TBL1XR1: variants seen among roughly 807,000 people sequenced by gnomAD.
TBL1XR1 encodes the protein TBL1X/Y related 1.
TBL1XR1 carries 5 observed loss-of-function variants against 66.9 expected under a neutral mutation model. The observed-to-expected ratio is 0.07, with a 90% CI of 0.04 to 0.16. The LOEUF is 0.16. Among genes scored for constraint, TBL1XR1 ranks in the 10% least tolerant of loss-of-function variants. The pLI, the probability that TBL1XR1 is intolerant of heterozygous loss-of-function variation, is 1.00. For missense variants in TBL1XR1, 238 were observed against 623.2 expected (o/e 0.38, Z 6.58); for synonymous variants, 210 against 206.0 (o/e 1.02, Z -0.17).
At chr3:177,139,417 T>C (rs1285045373) in intron 1 of TBL1XR1, among the ~76,000 whole-genome samples, 1 of 151,810 alleles carries the variant, frequency 6.6e-6, no homozygotes, top group Admixed American at 6.6e-5. Flanking sequence ...CGCCTGTAGC[T>C]GCAGCTACTT....
chr3:177,171,702 CAAAAAAAAAA>C (rs34278942), intron 1 of TBL1XR1, among the ~76,000 whole-genome samples: 25 of 47,296 alleles, frequency 5.3e-4, no homozygotes, highest in South Asian at 1.1e-3. Context: ...GACTCCGTCT[CAAAAAAAAAA>C]AAAAAAAAAA....
intron 2 of TBL1XR1, among the ~76,000 whole-genome samples, chr3:177,065,373 T>C (rs963741994): frequency 1.3e-5 from 2 of 152,230 alleles, no homozygotes; most frequent in African/African-American, 4.8e-5. Context: ...AAATATTAGT[T>C]ATTTGCAAGA....
intron 14 of TBL1XR1, among the ~76,000 whole-genome samples, chr3:177,030,037 G>A (rs1713719333): frequency 6.6e-6 from 1 of 151,972 alleles, no homozygotes; most frequent in East Asian, 1.9e-4. Flanking sequence ...TTAGGCACAA[G>A]CACGTAAATA....
chr3:177,080,624 A>T (rs1721275537), intron 2 of TBL1XR1, among the ~76,000 whole-genome samples: 1 of 152,146 alleles, frequency 6.6e-6, no homozygotes, highest in African/African-American at 2.4e-5. Context: ...TGAAAGAAAA[A>T]ATATATATTT....
At chr3:177,162,766 A>C (rs1732377971) in intron 1 of TBL1XR1, among the ~76,000 whole-genome samples, 1 of 152,244 alleles carries the variant, frequency 6.6e-6, no homozygotes, top group African/African-American at 2.4e-5. Context: ...GAAGTGCCCA[A>C]AATAAAAGTC....
At chr3:177,066,579 T>A (rs1719193708) in intron 2 of TBL1XR1, among the ~76,000 whole-genome samples, 1 of 152,078 alleles carries the variant, frequency 6.6e-6, no homozygotes, top group Non-Finnish European at 1.5e-5. Flanking sequence ...TTAAACAGTT[T>A]CAGGAAGAGC....
At chr3:177,094,973 A>T (rs1006132480) in intron 2 of TBL1XR1, among the ~76,000 whole-genome samples, 18 of 152,114 alleles carry the variant, frequency 1.2e-4, no homozygotes, top group African/African-American at 3.9e-4. Flanking sequence ...CGACTGAAAT[A>T]AAAAAAGAAT....
At chr3:177,172,398 G>GA (rs554825683) in intron 1 of TBL1XR1, among the ~76,000 whole-genome samples, 162 of 151,076 alleles carry the variant, frequency 1.1e-3, no homozygotes, top group African/African-American at 2.9e-3. Flanking sequence ...CTCCTGTAAA[G>GA]AAAAAAAACC....
At position 177,033,199 on chromosome 3, in the gene TBL1XR1, C is replaced by G. The variant is rs189143133; in HGVS notation, c.1251-63G>C. 673 of 1,364,018 alleles carry G rather than the reference C, an allele frequency of 4.9e-4. 12 individuals are homozygous for G. The South Asian group carries it at 0.012, about 25-fold the overall frequency. 84.5% of individuals were successfully genotyped at this position (1,364,018 alleles called of 1,614,324 possible). On this transcript the variant is annotated intron_variant, in intron 13 of 15. Coordinates refer to ENST00000457928, the MANE Select transcript of TBL1XR1 (RefSeq NM_024665.7). ...GGAAATACTCCCCCAGCCTTGCTCC[C>G]ACCCAACCTCCCATATTCAGCCAAA... is the stretch of plus-strand genomic sequence containing the variant.
At chr3:177,171,940 C>T (rs1469993073) in intron 1 of TBL1XR1, among the ~76,000 whole-genome samples, 1 of 152,064 alleles carries the variant, frequency 6.6e-6, no homozygotes, top group East Asian at 1.9e-4. Context: ...ACAACTGTAG[C>T]AGCAAATCAA....
chr3:177,193,932 T>C (rs1736491373), intron 1 of TBL1XR1: 1 of 152,180 alleles, frequency 6.6e-6, no homozygotes, highest in Non-Finnish European at 1.5e-5. Context: ...AGCCCAACAC[T>C]ATCTACCTCA....
intron 3 of TBL1XR1, among the ~76,000 whole-genome samples, 155 bp from the exon 4 acceptor site, chr3:177,054,073 T>TGTTTGTGTGTGTGTGTGC (rs145838308): frequency 8.0e-6 from 1 of 124,816 alleles, no homozygotes; most frequent in African/African-American, 2.9e-5. Flanking sequence ...TGTGTGTGTG[T>TGTTTGTGTGTGTGTGTGC]GCGCGCGCGT....
intron 10 of TBL1XR1, among the ~76,000 whole-genome samples, chr3:177,039,821 T>G (rs939802697): frequency 1.3e-5 from 2 of 152,192 alleles, no homozygotes; most frequent in Non-Finnish European, 2.9e-5. Context: ...AAATGAGATT[T>G]AAAGTTCAGT....
At chr3:177,186,222 C>G (rs549000314) in intron 1 of TBL1XR1, among the ~76,000 whole-genome samples, 1 of 151,962 alleles carries the variant, frequency 6.6e-6, no homozygotes, top group African/African-American at 2.4e-5. Flanking sequence ...AATGTATATC[C>G]GTTACTAAAG....
intron 1 of TBL1XR1, among the ~76,000 whole-genome samples, chr3:177,161,309 T>TC (rs1732183551): frequency 6.6e-6 from 1 of 152,150 alleles, no homozygotes; most frequent in African/African-American, 2.4e-5. Flanking sequence ...AGTTCTCTTT[T>TC]CCCCAAAACC....
intron 2 of TBL1XR1, among the ~76,000 whole-genome samples, chr3:177,070,899 ATCTG>A (rs1253903812): frequency 6.6e-5 from 10 of 152,226 alleles, no homozygotes; most frequent in Middle Eastern, 3.4e-3. Flanking sequence ...ATCTGTCAAA[ATCTG>A]TCTGACTAGC....
intron 1 of TBL1XR1, among the ~76,000 whole-genome samples, chr3:177,133,946 T>C (rs1297666504): frequency 6.6e-6 from 1 of 151,950 alleles, no homozygotes; most frequent in Non-Finnish European, 1.5e-5. Context: ...TTTTTAGTCT[T>C]CCGCTTTTGC....
intron 1 of TBL1XR1, among the ~76,000 whole-genome samples, chr3:177,192,212 C>G (rs920850616): frequency 2.0e-5 from 3 of 151,758 alleles, no homozygotes; most frequent in African/African-American, 7.3e-5. Context: ...ATGGTGAAAC[C>G]CCGTCTCTAC....
intron 9 of TBL1XR1, 123 bp downstream of exon 9, chr3:177,047,177 G>C (rs1716440374): frequency 1.3e-6 from 1 of 765,422 alleles, no homozygotes; most frequent in Non-Finnish European, 2.1e-6. Flanking sequence ...AGTATTTCTA[G>C]CATAAATTCC....
Sources: allele counts gnomAD v4.1 joint callset (sites outside exome capture counted in the v4.1 genomes callset), GRCh38; gene constraint gnomAD v4.1.1; transcripts MANE v1.5; gene names NCBI Gene and HGNC (gene_info 2026-07-23, HGNC 2026-07-21).